Variants in UNC13C observed in about 807,000 individuals in gnomAD.
UNC13C encodes the protein unc-13 homolog C, also known as protein unc-13 homolog C.
In UNC13C, 174 loss-of-function variants were observed where a neutral mutation model predicts 245.4. The observed-to-expected ratio is 0.71, with a 90% CI of 0.63 to 0.80. The LOEUF (loss-of-function observed/expected upper bound fraction) is 0.80. Ranked by LOEUF, UNC13C falls within the 30% of genes least tolerant of loss-of-function variation. The probability of loss-of-function intolerance (pLI) is 0.00; values close to 1 mark genes in which losing one functional copy is unlikely to be tolerated. For synonymous variants in UNC13C, 992 were observed against 895.1 expected, an observed-to-expected ratio of 1.11 and a Z score of -1.93; for missense variants, 2,829 against 2,602.9, an observed-to-expected ratio of 1.09 and a Z score of -1.89.
chr15:54,313,883 G>A (rs2037939292), intron 13 of UNC13C, among the ~76,000 whole-genome samples: 1 of 151,670 alleles, frequency 6.6e-6, no homozygotes, highest in Non-Finnish European at 1.5e-5. Flanking sequence ...CAACCTAAGT[G>A]TTAGTCAATG....
At chr15:54,091,062 C>T (rs1032963828) in intron 2 of UNC13C, among the ~76,000 whole-genome samples, 31 of 93,712 alleles carry the variant, frequency 3.3e-4, no homozygotes, top group African/African-American at 1.2e-3. Flanking sequence ...AGAAGCTGGG[C>T]GGGGTGGGGG....
chr15:54,294,390 A>C (rs2037378352), intron 11 of UNC13C, among the ~76,000 whole-genome samples: 1 of 152,106 alleles, frequency 6.6e-6, no homozygotes, highest in Non-Finnish European at 1.5e-5. Context: ...GAAACAAATA[A>C]CCTATTATTT....
intron 1 of UNC13C, among the ~76,000 whole-genome samples, chr15:54,005,971 C>T (rs374832609): frequency 1.3e-5 from 2 of 151,872 alleles, no homozygotes; most frequent in Non-Finnish European, 2.9e-5. Flanking sequence ...TTTAGGGGGC[C>T]GGTAAACTGC....
At chr15:54,478,150 G>A (rs1002385374) in intron 19 of UNC13C, among the ~76,000 whole-genome samples, 5 of 151,252 alleles carry the variant, frequency 3.3e-5, no homozygotes, top group African/African-American at 7.3e-5. Context: ...GGGATTGGTG[G>A]TGATATCCCC....
At chr15:53,999,991 G>A (rs1195010017) in intron 1 of UNC13C, among the ~76,000 whole-genome samples, 1 of 152,010 alleles carries the variant, frequency 6.6e-6, no homozygotes, top group Non-Finnish European at 1.5e-5. Context: ...CTGTGCATAT[G>A]AATAAAGCAT....
chr15:54,145,821 T>A (rs1233773459), intron 4 of UNC13C, among the ~76,000 whole-genome samples: 5 of 152,240 alleles, frequency 3.3e-5, no homozygotes, highest in Non-Finnish European at 7.3e-5. Flanking sequence ...TGTCTGAATA[T>A]GGACGTGATC....
At chr15:54,078,123 C>T (rs2141112391) in intron 2 of UNC13C, among the ~76,000 whole-genome samples, 1 of 152,282 alleles carries the variant, frequency 6.6e-6, no homozygotes, top group South Asian at 2.1e-4. Context: ...CCAGCTCCAT[C>T]CATGTTGCTG....
the UNC13C span, among the ~76,000 whole-genome samples, chr15:53,960,527 G>A: frequency 6.6e-6 from 1 of 151,982 alleles, no homozygotes; most frequent in Non-Finnish European, 1.5e-5. Flanking sequence ...AGTCTGGAAT[G>A]TACATATGAA....
intron 4 of UNC13C, among the ~76,000 whole-genome samples, chr15:54,209,507 G>A (rs1345549059): frequency 6.6e-6 from 1 of 151,920 alleles, no homozygotes; most frequent in African/African-American, 2.4e-5. Flanking sequence ...GGAACACCCA[G>A]GCTCAGATGA....
chr15:54,420,465 A>G (rs2040616288), intron 19 of UNC13C, among the ~76,000 whole-genome samples: 1 of 151,980 alleles, frequency 6.6e-6, no homozygotes, highest in Non-Finnish European at 1.5e-5. Flanking sequence ...CTTCTACAAT[A>G]TCTCGTTGGT....
chr15:53,867,719 C>T, the UNC13C span, among the ~76,000 whole-genome samples: 9 of 152,316 alleles, frequency 5.9e-5, no homozygotes, highest in Admixed American at 2.0e-4. Context: ...TGATTTCCTT[C>T]CTGCCTATTA....
chr15:53,979,584 C>G (rs531485182), intron 1 of UNC13C, among the ~76,000 whole-genome samples: 1 of 152,210 alleles, frequency 6.6e-6, no homozygotes, highest in African/African-American at 2.4e-5. Flanking sequence ...CTAACTTCTG[C>G]AATTACATCA....
intron 4 of UNC13C, among the ~76,000 whole-genome samples, chr15:54,206,737 AC>A (rs1471385617): frequency 6.6e-6 from 1 of 152,094 alleles, no homozygotes; most frequent in Non-Finnish European, 1.5e-5. Flanking sequence ...GCCTCATCGC[AC>A]TTCTAATAGA....
chr15:54,482,159 G>T (rs752797341), intron 19 of UNC13C, among the ~76,000 whole-genome samples: 6 of 152,112 alleles, frequency 3.9e-5, no homozygotes, highest in African/African-American at 7.2e-5. Flanking sequence ...AAACTCAGCT[G>T]CACTGCCGTG....
chr15:54,014,503 C>T lies in UNC13C; in HGVS notation c.1600C>T (p.Leu534Phe), dbSNP rs754406867. 3.1e-6 allele frequency: 5 copies of T among 1,613,844 alleles called. No individual in the cohort carries two copies. Among genetic ancestry groups the T allele is most frequent in the Non-Finnish European group, 4.2e-6 (5 of 1,179,830 alleles). Residue 534 changes from leucine (L) to phenylalanine (F), a missense_variant, in exon 2 of 33, where the codon CTC becomes TTC. Coordinates refer to ENST00000260323, the MANE Select transcript of UNC13C (RefSeq NM_001080534.3). ...AACCCATTATGCAGATGCAACACCT[C>T]TCTGGCACTCACAGAGTGATTTTTT... is the stretch of plus-strand genomic sequence containing the variant. ...TTTHYADATPLWHSQSDFFTA... is the reference protein window; with the variant it reads ...TTTHYADATPFWHSQSDFFTA...
At chr15:54,506,986 T>C (rs1567336051) in intron 22 of UNC13C, 131 bp from the exon 23 acceptor site, 1 of 549,650 alleles carries the variant, frequency 1.8e-6, no homozygotes, top group East Asian at 2.9e-5. Context: ...CAGAAACAGT[T>C]GTTAGAGGGA....
chr15:54,571,770 T>C (rs928093502), intron 30 of UNC13C, among the ~76,000 whole-genome samples: 48 of 151,726 alleles, frequency 3.2e-4, no homozygotes, highest in African/African-American at 1.1e-3. Flanking sequence ...TGCCAGAGGG[T>C]TAATGCCTCA....
chr15:53,838,650 G>C, the UNC13C span, among the ~76,000 whole-genome samples: 1 of 151,700 alleles, frequency 6.6e-6, no homozygotes, highest in Non-Finnish European at 1.5e-5. Context: ...TTTTAATTTG[G>C]ATTGACAACA....
At chr15:53,879,227 T>A in the UNC13C span, among the ~76,000 whole-genome samples, 93 of 152,198 alleles carry the variant, frequency 6.1e-4, no homozygotes, top group Admixed American at 3.0e-3. Context: ...AATAGCACAA[T>A]CATGGCTCAT....
Sources: allele counts gnomAD v4.1 joint callset (sites outside exome capture counted in the v4.1 genomes callset), GRCh38; gene constraint gnomAD v4.1.1; transcripts MANE v1.5; gene names NCBI Gene and HGNC (gene_info 2026-07-23, HGNC 2026-07-21).